Variants in CDADC1 observed in about 807,000 individuals in gnomAD.
The protein encoded by CDADC1 is dCTP deaminase.
CDADC1 carries 39 observed loss-of-function variants against 54.9 expected under a neutral mutation model. The ratio of observed to expected loss-of-function variants is 0.71; its 90% CI spans 0.55 to 0.93. CDADC1 has a LOEUF of 0.93. Ranked by LOEUF, CDADC1 falls within the 40% of genes least tolerant of loss-of-function variation. The pLI, the probability that CDADC1 is intolerant of heterozygous loss-of-function variation, is 0.00. For synonymous variants in CDADC1, 186 were observed against 204.0 expected, an observed-to-expected ratio of 0.91 and a Z score of 0.75; for missense variants, 518 against 618.8, an observed-to-expected ratio of 0.84 and a Z score of 1.73.
chr13:49,280,478 C>T, intron 7 of CDADC1, 31 bp from the exon 8 acceptor site: 1 of 1,211,050 alleles, frequency 8.3e-7, no homozygotes, highest in South Asian at 2.3e-5. Flanking sequence ...TCAGAAACGA[C>T]CTTTCTGATA....
chr13:49,252,845 A>G (rs1167990505), intron 2 of CDADC1, among the ~76,000 whole-genome samples: 1 of 152,218 alleles, frequency 6.6e-6, no homozygotes, highest in African/African-American at 2.4e-5. Flanking sequence ...ATACAGTAAG[A>G]ATACATCTAA....
intron 8 of CDADC1, among the ~76,000 whole-genome samples, chr13:49,284,590 T>G (rs552643740): frequency 6.6e-6 from 1 of 152,318 alleles, no homozygotes; most frequent in African/African-American, 2.4e-5. Context: ...ATGCCTAATT[T>G]TAAACATTTT....
rs1017526881 is a variant in CDADC1, at chr13:49,247,943, A to C, written c.-95A>C. 8.9e-7 allele frequency: 1 copy of C among 1,128,454 alleles called. No homozygotes were observed. The highest frequency in any genetic ancestry group is 1.3e-6 in the Non-Finnish European group (1 of 764,658). The allele number at this position is 1,128,454 out of a possible 1,614,324, so 69.9% of individuals were successfully genotyped here. A position where few individuals can be genotyped will look rare whatever the true frequency, so the allele number is the denominator to read the frequency against. ...TGCGCCTAGTGGGCCGTTGCCTTAC[A>C]GTTGCTGAGAGGAGGCGAGAGGCGG... On this transcript the variant is annotated 5_prime_UTR_variant, in exon 1 of 10. Coordinates refer to ENST00000251108, the MANE Select transcript of CDADC1 (RefSeq NM_030911.4).
chr13:49,292,720 T>C lies in CDADC1; in HGVS notation c.*963T>C. On this transcript the variant is annotated 3_prime_UTR_variant, in exon 10 of 10. Coordinates refer to ENST00000251108, the MANE Select transcript of CDADC1 (RefSeq NM_030911.4). Reference sequence around the variant, plus strand: ...TGTGATTTCTCACATTTTTATTTGCTGAGAAACATTCAGAAAATTATTCCA... The same window carrying C: ...TGTGATTTCTCACATTTTTATTTGCCGAGAAACATTCAGAAAATTATTCCA... The C allele has an allele frequency of 7.9e-7, 1 of 1,269,618 alleles. No individual in the cohort carries two copies. Among genetic ancestry groups the C allele is most frequent in the Non-Finnish European group, 1.0e-6 (1 of 980,704 alleles). The allele number at this position is 1,269,618 out of a possible 1,614,324, so 78.6% of individuals were successfully genotyped here.
chr13:49,273,281 C>T (rs950094911), intron 5 of CDADC1, among the ~76,000 whole-genome samples: 2 of 152,098 alleles, frequency 1.3e-5, no homozygotes, highest in Non-Finnish European at 1.5e-5. Flanking sequence ...GGTGAAACCA[C>T]GGTTTCAGTT....
chr13:49,289,330 G>A (rs932278831), intron 9 of CDADC1, among the ~76,000 whole-genome samples: 10 of 151,870 alleles, frequency 6.6e-5, no homozygotes, highest in East Asian at 3.9e-4. Context: ...GTTTCACCAC[G>A]TTGGCTAGGC....
intron 5 of CDADC1, among the ~76,000 whole-genome samples, chr13:49,272,233 G>T (rs1382659935): frequency 6.6e-6 from 1 of 152,126 alleles, no homozygotes; most frequent in Non-Finnish European, 1.5e-5. Context: ...TTAGATTTAT[G>T]CATAAATTAA....
chr13:49,267,150 G>A (rs1952834818), intron 4 of CDADC1, among the ~76,000 whole-genome samples: 1 of 152,182 alleles, frequency 6.6e-6, no homozygotes, highest in South Asian at 2.1e-4. Flanking sequence ...CTATATAAGT[G>A]AATGGGTGTG....
chr13:49,248,158 C>T, intron 1 of CDADC1, 39 bp downstream of exon 1: 2 of 1,495,126 alleles, frequency 1.3e-6, no homozygotes, highest in Non-Finnish European at 1.8e-6. Flanking sequence ...CCCTACCTTT[C>T]GCTCTGCCCT....
intron 8 of CDADC1, among the ~76,000 whole-genome samples, chr13:49,283,891 C>T (rs2138263113): frequency 6.6e-6 from 1 of 152,278 alleles, no homozygotes; most frequent in Middle Eastern, 3.4e-3. Flanking sequence ...AGCTAGATAC[C>T]TAGTTTTGTA....
At chr13:49,276,826 A>G (rs557100636) in intron 6 of CDADC1, among the ~76,000 whole-genome samples, 15 of 152,296 alleles carry the variant, frequency 9.8e-5, no homozygotes, top group African/African-American at 3.4e-4. Context: ...TCTTGTTTAC[A>G]GTTGTATTCC....
At chr13:49,269,502 A>T (rs1185969345) in intron 5 of CDADC1, among the ~76,000 whole-genome samples, 1 of 152,216 alleles carries the variant, frequency 6.6e-6, no homozygotes, top group East Asian at 1.9e-4. Flanking sequence ...GTAGGCACAC[A>T]TTATATGACC....
intron 8 of CDADC1, among the ~76,000 whole-genome samples, chr13:49,284,163 T>A (rs1953437692): frequency 6.6e-6 from 1 of 152,248 alleles, no homozygotes; most frequent in Admixed American, 6.5e-5. Flanking sequence ...TCAATCTATA[T>A]CCATGTCCAC....
intron 8 of CDADC1, among the ~76,000 whole-genome samples, chr13:49,285,168 T>TTTTTTTC (rs892722422): frequency 2.0e-5 from 3 of 146,962 alleles, no homozygotes; most frequent in Non-Finnish European, 4.5e-5. Flanking sequence ...TCTTTTCTTT[T>TTTTTTTC]TTTTTTCTTT....
In CDADC1 at chr13:49,247,954, G is replaced by A. The variant is rs913769130; in HGVS notation, c.-84G>A. 12 of 1,256,034 alleles carry A rather than the reference G, an allele frequency of 9.6e-6. No individual in the cohort carries two copies. Among genetic ancestry groups the A allele is most frequent in the African/African-American group, 1.5e-5 (1 of 67,436 alleles). 77.8% of individuals were successfully genotyped at this position (1,256,034 alleles called of 1,614,324 possible). A position where few individuals can be genotyped will look rare whatever the true frequency, so the allele number is the denominator to read the frequency against. On this transcript the variant is annotated 5_prime_UTR_variant, in exon 1 of 10. Transcript: ENST00000251108. ...GGCCGTTGCCTTACAGTTGCTGAGA[G>A]GAGGCGAGAGGCGGGGGCGCTAGGG...
At chr13:49,268,527 T>A (rs766234062) in intron 5 of CDADC1, among the ~76,000 whole-genome samples, 2 of 152,094 alleles carry the variant, frequency 1.3e-5, no homozygotes, top group Non-Finnish European at 2.9e-5. Context: ...TGGTGGTGTC[T>A]GGTGGTGCGT....
intron 4 of CDADC1, among the ~76,000 whole-genome samples, chr13:49,263,919 C>A (rs1450563295): frequency 6.6e-6 from 1 of 152,224 alleles, no homozygotes; most frequent in Non-Finnish European, 1.5e-5. Flanking sequence ...ACCAGTAAAA[C>A]CCACAGCTCA....
Position 49,255,837 on chromosome 13 carries a change from A to C in CDADC1, c.178-2A>C, listed in dbSNP as rs751419299. 1 of 1,610,154 alleles carries C rather than the reference A, an allele frequency of 6.2e-7. No individual in the cohort carries two copies. The highest frequency in any genetic ancestry group is 8.5e-7 in the Non-Finnish European group (1 of 1,178,688). Reference sequence around the variant, plus strand: ...TTTTTTCCTTAATCTGATTTTTATTAGAAAAATGAAGAGGGAAAGCATGGA... The same window carrying C: ...TTTTTTCCTTAATCTGATTTTTATTCGAAAAATGAAGAGGGAAAGCATGGA... On this transcript the variant is annotated splice_acceptor_variant, in intron 2 of 9. Transcript: ENST00000251108. LOFTEE classifies it high-confidence loss of function.
intron 2 of CDADC1, among the ~76,000 whole-genome samples, chr13:49,250,456 TG>T (rs1952400614): frequency 6.6e-6 from 1 of 152,136 alleles, no homozygotes; most frequent in Non-Finnish European, 1.5e-5. Flanking sequence ...AGGCTCTATA[TG>T]GGGAAGTGAA....
Sources: gnomAD v4.1 joint callset for allele counts (sites outside exome capture counted in the v4.1 genomes callset) on GRCh38, gnomAD v4.1.1 for gene constraint, MANE v1.5 for transcripts, NCBI Gene and HGNC (gene_info 2026-07-23, HGNC 2026-07-21) for gene names.